The following SLCO1B3 variants were observed in gnomAD, a reference collection of about 807,000 sequenced individuals.
SLCO1B3 encodes solute carrier organic anion transporter family member 1B3.
Under a neutral mutation model 71.8 loss-of-function variants are expected in SLCO1B3, and 72 were observed. The ratio of observed to expected loss-of-function variants is 1.00; its 90% CI spans 0.83 to 1.22. The LOEUF (loss-of-function observed/expected upper bound fraction) is 1.22, where lower values mean the gene tolerates loss of function less well. SLCO1B3 is among the 50% of genes most tolerant of loss of function. The pLI, the probability that SLCO1B3 is intolerant of heterozygous loss-of-function variation, is 0.00. For synonymous variants in SLCO1B3, 298 were observed against 278.4 expected (o/e 1.07, Z -0.70); for missense variants, 911 against 819.7 (o/e 1.11, Z -1.36).
intron 3 of SLCO1B3, among the ~76,000 whole-genome samples, chr12:20,850,790 G>A (rs1056866703): frequency 6.6e-6 from 1 of 152,094 alleles, no homozygotes; most frequent in African/African-American, 2.4e-5. Context: ...AGTTTGCTTA[G>A]GATAATGGCC....
In SLCO1B3 at chr12:20,861,004, G is replaced by C; in HGVS notation, c.360-13G>C. Reference sequence around the variant, plus strand: ...AGATAAGCAAAATGTTCAATTTCATGTTGCTCTTACAGTTATAGGTATTCT... The same window carrying C: ...AGATAAGCAAAATGTTCAATTTCATCTTGCTCTTACAGTTATAGGTATTCT... On this transcript the variant is annotated splice_polypyrimidine_tract_variant and intron_variant, in intron 5 of 15. Transcript: ENST00000381545. 1 of 1,550,188 alleles carries C rather than the reference G, an allele frequency of 6.5e-7. No homozygotes were observed. The highest frequency in any genetic ancestry group is 8.7e-7 in the Non-Finnish European group (1 of 1,144,232).
intron 1 of SLCO1B3, among the ~76,000 whole-genome samples, chr12:20,811,499 T>G (rs191112375): frequency 6.6e-6 from 1 of 152,270 alleles, no homozygotes; most frequent in East Asian, 1.9e-4. Context: ...TGTTTTCCCT[T>G]TTATCCTCCT....
chr12:20,904,308 C>G (rs1431178253), intron 15 of SLCO1B3, among the ~76,000 whole-genome samples: 7 of 151,712 alleles, frequency 4.6e-5, no homozygotes, highest in African/African-American at 1.7e-4. Context: ...ACTCTTATTC[C>G]AAATGGGAGA....
At chr12:20,877,074 A>G (rs1196372694) in intron 9 of SLCO1B3, among the ~76,000 whole-genome samples, 1 of 151,924 alleles carries the variant, frequency 6.6e-6, no homozygotes, top group East Asian at 1.9e-4. Context: ...GAGACAATCC[A>G]CCTGCCTTGG....
chr12:20,865,264 C>T (rs1418674388), intron 8 of SLCO1B3, among the ~76,000 whole-genome samples: 1 of 152,016 alleles, frequency 6.6e-6, no homozygotes, highest in East Asian at 1.9e-4. Flanking sequence ...CTGAAGTCTG[C>T]CTGAGTTGTT....
intron 3 of SLCO1B3, among the ~76,000 whole-genome samples, chr12:20,848,769 G>A (rs928841311): frequency 1.3e-5 from 2 of 152,030 alleles, no homozygotes; most frequent in African/African-American, 4.8e-5. Context: ...AAATATATGA[G>A]ATTCTGGAGA....
At chr12:20,863,683 A>G (rs1865316998) in intron 8 of SLCO1B3, among the ~76,000 whole-genome samples, 1 of 152,092 alleles carries the variant, frequency 6.6e-6, no homozygotes, top group African/African-American at 2.4e-5. Flanking sequence ...CTATGTACAC[A>G]TACACATTTT....
chr12:20,875,502 A>G, intron 9 of SLCO1B3, 25 bp downstream of exon 9: 1 of 1,586,950 alleles, frequency 6.3e-7, no homozygotes, highest in Non-Finnish European at 8.5e-7. Context: ...TTCATTGTCA[A>G]CTTGGAATTG....
intron 13 of SLCO1B3, among the ~76,000 whole-genome samples, chr12:20,885,315 G>A (rs760296001): frequency 3.3e-5 from 5 of 152,104 alleles, no homozygotes; most frequent in Non-Finnish European, 7.4e-5. Flanking sequence ...CAGGAGTGTA[G>A]ACATTTACTC....
chr12:20,849,930 C>G (rs778842368), intron 3 of SLCO1B3, among the ~76,000 whole-genome samples: 31 of 151,368 alleles, frequency 2.0e-4, no homozygotes, highest in Non-Finnish European at 3.4e-4. Context: ...AATGGAAAAA[C>G]ATCCAGTGTT....
intron 3 of SLCO1B3, among the ~76,000 whole-genome samples, chr12:20,849,858 G>T (rs535342058): frequency 2.0e-5 from 3 of 150,684 alleles, no homozygotes; most frequent in Non-Finnish European, 3.0e-5. Context: ...AAACAAAAAG[G>T]TTAAAAAAAA....
At chr12:20,850,682 A>G (rs1356309045) in intron 3 of SLCO1B3, among the ~76,000 whole-genome samples, 1 of 152,084 alleles carries the variant, frequency 6.6e-6, no homozygotes. Flanking sequence ...AGGTAGCCAC[A>G]ATGTCTATTG....
intron 13 of SLCO1B3, among the ~76,000 whole-genome samples, chr12:20,895,263 A>G (rs1394629379): frequency 6.6e-6 from 1 of 152,132 alleles, no homozygotes; most frequent in Admixed American, 6.5e-5. Flanking sequence ...CAGAATCTTA[A>G]CTAATTTCAG....
chr12:20,878,901 C>G (rs907462341), intron 10 of SLCO1B3, among the ~76,000 whole-genome samples: 1 of 65,946 alleles, frequency 1.5e-5, no homozygotes, highest in Non-Finnish European at 5.4e-5. Context: ...GAATTTAATT[C>G]TAAAGCCTGG....
At chr12:20,890,933 TG>T (rs1030633317) in intron 13 of SLCO1B3, among the ~76,000 whole-genome samples, 6 of 152,296 alleles carry the variant, frequency 3.9e-5, no homozygotes, top group Admixed American at 2.6e-4. Flanking sequence ...GTGGGTTTTT[TG>T]TATGCAGCAT....
intron 3 of SLCO1B3, among the ~76,000 whole-genome samples, chr12:20,819,760 A>G (rs981688358): frequency 1.3e-5 from 2 of 152,158 alleles, no homozygotes; most frequent in African/African-American, 4.8e-5. Flanking sequence ...GGATATTGGC[A>G]CTGAGCGGGG....
At chr12:20,869,256 C>T (rs2121275110) in intron 8 of SLCO1B3, among the ~76,000 whole-genome samples, 1 of 152,288 alleles carries the variant, frequency 6.6e-6, no homozygotes, top group South Asian at 2.1e-4. Context: ...ACTGGCGTCA[C>T]TGCTAGAACA....
rs534917911 is a variant in SLCO1B3, at chr12:20,914,047, A to G, written c.1866-1957A>G. 2.0e-5 allele frequency among the ~76,000 whole-genome samples: 3 copies of G among 152,274 alleles called. No individual in the cohort carries two copies. The East Asian group carries it at 5.8e-4, about 29-fold the overall frequency. On this transcript the variant is annotated intron_variant, in intron 15 of 15. Transcript: ENST00000381545. ...CCAGAGTGCTGGGATTACAGGCATG[A>G]GCCACCATGCCTGGCTTATTTTGGT...
intron 3 of SLCO1B3, among the ~76,000 whole-genome samples, chr12:20,853,092 CTTGTATTCCAGG>C (rs1305024904): frequency 1.3e-5 from 2 of 151,976 alleles, no homozygotes; most frequent in African/African-American, 4.8e-5. Context: ...TTAAACCATC[CTTGTATTCCAGG>C]TATATATTTT....
Sources: gnomAD v4.1 joint callset for allele counts (sites outside exome capture counted in the v4.1 genomes callset) on GRCh38, gnomAD v4.1.1 for gene constraint, MANE v1.5 for transcripts, NCBI Gene and HGNC (gene_info 2026-07-23, HGNC 2026-07-21) for gene names.